The following DHX16 variants were observed in gnomAD, a reference collection of about 807,000 sequenced individuals.
The protein encoded by DHX16 is DEAH-box helicase 16.
In DHX16, 81 loss-of-function variants were observed where a neutral mutation model predicts 131.2. The ratio of observed to expected loss-of-function variants is 0.62; its 90% CI spans 0.52 to 0.74. The LOEUF is 0.74. DHX16 is among the 30% of genes least tolerant of loss of function. DHX16 has a pLI of 0.00. For missense variants in DHX16, 980 were observed against 1,363.1 expected (o/e 0.72, Z 4.43); for synonymous variants, 440 against 520.2 (o/e 0.85, Z 2.10).
chr6:30,672,133 G>A (rs974631899), intron 1 of DHX16, among the ~76,000 whole-genome samples: 1 of 151,450 alleles, frequency 6.6e-6, no homozygotes, highest in Non-Finnish European at 1.5e-5. Flanking sequence ...ACACACCAAG[G>A]CCTCATCTCT....
Position 30,671,030 on chromosome 6 carries a change from A to C in DHX16, c.446+6T>G. 3 of 1,612,866 alleles carry C rather than the reference A, an allele frequency of 1.9e-6. No homozygotes were observed. The highest frequency in any genetic ancestry group is 2.5e-6 in the Non-Finnish European group (3 of 1,179,956). On this transcript the variant is annotated splice_donor_region_variant and intron_variant, in intron 2 of 19. Coordinates refer to ENST00000376442, the MANE Select transcript of DHX16 (RefSeq NM_003587.5). ...CCCATCCTCTCTCACCCTGCTTCTG[A>C]CTTACCCTGTTTTCTTCTTCCCTTT...
chr6:30,655,531 G>A lies in DHX16; in HGVS notation c.2565C>T (p.Tyr855=). 5 of 1,613,098 alleles carry A rather than the reference G, an allele frequency of 3.1e-6. No individual in the cohort carries two copies. The highest frequency in any genetic ancestry group is 4.2e-6 in the Non-Finnish European group (5 of 1,180,036). The change falls in exon 17 of 20, where the codon TAC becomes TAT. Residue 855 remains tyrosine, a synonymous_variant. Coordinates refer to ENST00000376442, the MANE Select transcript of DHX16 (RefSeq NM_003587.5). ...AMLSVNNSIF[Y]RPKDKVVHAD... ...CATGGACGACCTTGTCCTTTGGTCG[G>A]TAGAAGATGGAGTTGTTGACAGAGA...
Position 30,672,806 on chromosome 6 carries a change from C to G in DHX16, c.36G>C (p.Gln12His). The G allele has an allele frequency of 6.2e-7, 1 of 1,612,960 alleles. No homozygotes were observed. Among genetic ancestry groups the G allele is most frequent in the South Asian group, 1.1e-5 (1 of 91,084 alleles). The change falls in exon 1 of 20, where the codon CAG becomes CAC. Residue 12 changes from glutamine to histidine, a missense_variant. Transcript: ENST00000376442. ...ATPAGLERWV[Q>H]DELHSVLGLS... is the part of the protein sequence containing the mutation. ...GCCCCAACACCGAGTGCAGCTCGTC[C>G]TGAACCCAGCGCTCCAGACCCGCCG...
chr6:30,668,371 C>T (rs1185419156), intron 4 of DHX16, among the ~76,000 whole-genome samples: 1 of 152,110 alleles, frequency 6.6e-6, no homozygotes, highest in African/African-American at 2.4e-5. Context: ...AAAATTACAG[C>T]TGGGCACAGT....
At chr6:30,660,575 A>G (rs968328364) in intron 9 of DHX16, 1 of 278,192 alleles carries the variant, frequency 3.6e-6, no homozygotes, top group African/African-American at 2.2e-5. Flanking sequence ...CTTACTAGAA[A>G]AAGTTGAAGG....
chr6:30,654,836 C>T lies in DHX16; in HGVS notation c.2867G>A (p.Arg956Gln), dbSNP rs1447358889. The T allele has an allele frequency of 5.6e-6, 9 of 1,612,884 alleles. No individual in the cohort carries two copies. Among genetic ancestry groups the T allele is most frequent in the African/African-American group, 1.3e-5 (1 of 74,914 alleles). ...GYFYHTARLT[R>Q]SGYRTVKQQQ... ...CTGTTTCACTGTGCGGTAGCCACTC[C>T]GAGTCAACCGTGCCGTGTGGTAAAA... is the stretch of plus-strand genomic sequence containing the variant. The change falls in exon 19 of 20, where the codon CGG (arginine) becomes CAG (glutamine). Residue 956 changes from arginine to glutamine, a missense_variant. Physicochemically the swap from Arg to Gln is conservative, Grantham distance 43. This residue lies in a region of DHX16 where 214 missense variants were observed against 271.2 expected (regional missense o/e 0.79). Coordinates refer to ENST00000376442, the MANE Select transcript of DHX16 (RefSeq NM_003587.5).
chr6:30,672,958 T>G lies in DHX16; in HGVS notation c.-117A>C, dbSNP rs1372912090. On this transcript the variant is annotated 5_prime_UTR_variant, in exon 1 of 20. Coordinates refer to ENST00000376442, the MANE Select transcript of DHX16 (RefSeq NM_003587.5). ...CCTCAGCTTCGCAAGTCAGCTACCT[T>G]GGGACCTCTAGGATCTTCCGACATC... is the stretch of plus-strand genomic sequence containing the variant. The G allele has an allele frequency of 6.4e-7, 1 of 1,554,430 alleles. No individual in the cohort carries two copies. Among genetic ancestry groups the G allele is most frequent in the South Asian group, 1.2e-5 (1 of 84,746 alleles).
intron 18 of DHX16, 55 bp from the exon 19 acceptor site, chr6:30,654,934 TAAG>T: frequency 1.3e-6 from 2 of 1,549,924 alleles, no homozygotes; most frequent in South Asian, 2.4e-5. Flanking sequence ...CTGGGGACCC[TAAG>T]AATGCACTAC....
At chr6:30,658,990 G>A (rs1375408794) in intron 12 of DHX16, among the ~76,000 whole-genome samples, 1 of 152,066 alleles carries the variant, frequency 6.6e-6, no homozygotes, top group African/African-American at 2.4e-5. Context: ...GGGTTCAAGC[G>A]ATTCTCATGA....
Position 30,662,751 on chromosome 6 carries a change from G to A in DHX16, c.1429-9C>T. On this transcript the variant is annotated splice_polypyrimidine_tract_variant and intron_variant, in intron 8 of 19. Transcript: ENST00000376442. This position sits in a 1 kb window ranked among gnomAD's most constrained non-coding sequence, Gnocchi z 4.7. ...CGGATGCTGTAGCCAACCTGGTCAAGGGAACCATTAGCAACCAAGTGTGGG... is the reference window on the plus strand; with the variant it reads ...CGGATGCTGTAGCCAACCTGGTCAAAGGAACCATTAGCAACCAAGTGTGGG... 2 of 1,611,846 alleles carry A rather than the reference G, an allele frequency of 1.2e-6. No homozygotes were observed. The highest frequency in any genetic ancestry group is 1.7e-6 in the Non-Finnish European group (2 of 1,179,410).
chr6:30,654,588 T>C, intron 19 of DHX16, 118 bp downstream of exon 19: 2 of 1,013,912 alleles, frequency 2.0e-6, no homozygotes, highest in Non-Finnish European at 2.8e-6. Flanking sequence ...CTTTCTATTT[T>C]ACCCTACCTT....
intron 7 of DHX16, 43 bp from the exon 8 acceptor site, chr6:30,663,064 T>C (rs528918190): frequency 1.1e-5 from 16 of 1,468,558 alleles, no homozygotes; most frequent in East Asian, 6.8e-5. Context: ...CTTTACTAAA[T>C]ATGCACCCTG....
rs1198119910 is a variant in DHX16 at position 30,670,811 on chromosome 6, G to A, written c.588C>T (p.Val196=). 9 of 1,612,810 alleles carry A rather than the reference G, an allele frequency of 5.6e-6. No homozygotes were observed. The highest frequency in any genetic ancestry group is 7.6e-6 in the Non-Finnish European group (9 of 1,180,024). Residue 196 remains valine (V), a synonymous_variant, in exon 3 of 20, where the codon GTC becomes GTT. Transcript: ENST00000376442. The surrounding 1 kb of genome is among the most constrained non-coding windows in gnomAD (Gnocchi z 4.4). The part of the protein sequence containing the change: ...RQRDKDRTRN[V]LERSDKKAYE... ...TCACCTTCTTGTCTGACCGTTCCAG[G>A]ACATTTCGAGTCCGATCCTTGTCCC...
At position 30,670,927 on chromosome 6, in the gene DHX16, G is replaced by A. The variant is rs765683432; in HGVS notation, c.472C>T (p.Pro158Ser). 6.2e-7 allele frequency: 1 copy of A among 1,612,984 alleles called. No individual in the cohort carries two copies. The highest frequency in any genetic ancestry group is 1.7e-5 in the Admixed American group (1 of 60,010). Residue 158 changes from proline (P) to serine (S), a missense_variant, in exon 3 of 20, where the codon CCA becomes TCA. Coordinates refer to ENST00000376442, the MANE Select transcript of DHX16 (RefSeq NM_003587.5). This position sits in a 1 kb window ranked among gnomAD's most constrained non-coding sequence, Gnocchi z 4.4. The stretch of plus-strand genomic sequence containing the variant: ...CGTTCCCACTCATCTTCCGACTCTG[G>A]CTTCTCTGTCTGCTGTTTACTCCCC... Reference protein sequence around the residue: ...TGGSKQQTEKPESEDEWERTE... With the variant: ...TGGSKQQTEKSESEDEWERTE...
At chr6:30,661,653 C>G (rs1184437075) in intron 9 of DHX16, 12 of 685,722 alleles carry the variant, frequency 1.7e-5, no homozygotes, top group Non-Finnish European at 3.0e-5. Context: ...ATGACACCTT[C>G]TTTCTCTTTG....
chr6:30,672,581 T>G lies in DHX16; in HGVS notation c.207+54A>C, dbSNP rs73433178. The G allele has an allele frequency of 5.4e-3, 8,103 of 1,500,588 alleles. 163 individuals are homozygous for G. The African/African-American group carries it at 0.057, about 10-fold the overall frequency. 93.0% of individuals were successfully genotyped at this position (1,500,588 alleles called of 1,614,324 possible). The stretch of plus-strand genomic sequence containing the variant: ...CTTTCTTAACTTCTCGATGGACCGT[T>G]AGGCCAGCCTCACCGGGACAAATCA... On this transcript the variant is annotated intron_variant, in intron 1 of 19. Coordinates refer to ENST00000376442, the MANE Select transcript of DHX16 (RefSeq NM_003587.5).
intron 7 of DHX16, among the ~76,000 whole-genome samples, chr6:30,664,494 A>C (rs1768822400): frequency 6.6e-6 from 1 of 151,844 alleles, no homozygotes; most frequent in Non-Finnish European, 1.5e-5. Context: ...AAAAAAAAAA[A>C]ACTAACAAAA....
At chr6:30,667,581 CA>C (rs34046923) in intron 4 of DHX16, among the ~76,000 whole-genome samples, 17,041 of 87,388 alleles carry the variant, frequency 0.2, 1,069 homozygotes, top group East Asian at 0.34. Context: ...GACTCTGTCT[CA>C]AAAAAAAAAA....
At chr6:30,654,974 T>G (rs1056119302) in intron 18 of DHX16, 95 bp from the exon 19 acceptor site, 1 of 1,448,116 alleles carries the variant, frequency 6.9e-7, no homozygotes. Context: ...TCAGGAAAAC[T>G]AGAGAGGTAA....
Sources: allele counts gnomAD v4.1 joint callset (sites outside exome capture counted in the v4.1 genomes callset), GRCh38; gene constraint gnomAD v4.1.1; regional missense constraint gnomAD v4.1.1; non-coding constraint Gnocchi (gnomAD v3.1); transcripts MANE v1.5; gene names NCBI Gene and HGNC (gene_info 2026-07-23, HGNC 2026-07-21).